RNF150: variants seen among roughly 807,000 people sequenced by gnomAD.
RNF150 encodes ring finger protein 150.
A neutral mutation model predicts 39.3 loss-of-function variants in RNF150; 24 were observed. The ratio of observed to expected loss-of-function variants is 0.61; its 90% confidence interval spans 0.44 to 0.86. RNF150 has a LOEUF of 0.86. RNF150 is among the 40% of genes least tolerant of loss of function. The pLI is 0.00. For missense variants in RNF150, 502 were observed against 587.8 expected, an observed-to-expected ratio of 0.85 and a Z score of 1.51; for synonymous variants, 255 against 227.3, an observed-to-expected ratio of 1.12 and a Z score of -1.10.
intron 1 of RNF150, among the ~76,000 whole-genome samples, chr4:141,196,738 C>A (rs1372887197): frequency 1.3e-5 from 2 of 152,176 alleles, no homozygotes; most frequent in African/African-American, 4.8e-5. Context: ...TGACTTCTTG[C>A]TAAGATATGC....
intron 1 of RNF150, among the ~76,000 whole-genome samples, chr4:141,026,818 T>C (rs955111638): frequency 6.6e-6 from 1 of 152,190 alleles, no homozygotes; most frequent in Non-Finnish European, 1.5e-5. Context: ...AGATGTAAAG[T>C]TGAAAACACA....
chr4:141,057,725 C>T (rs1010451244), intron 1 of RNF150, among the ~76,000 whole-genome samples: 7 of 152,208 alleles, frequency 4.6e-5, no homozygotes, highest in African/African-American at 1.4e-4. Context: ...CTTTGCTGGA[C>T]CCCCTGTATT....
chr4:141,170,416 C>CAG (rs1179642216), intron 1 of RNF150, among the ~76,000 whole-genome samples: 1 of 152,110 alleles, frequency 6.6e-6, no homozygotes, highest in Non-Finnish European at 1.5e-5. Flanking sequence ...TCTAGATTAT[C>CAG]AGAGCTGTCA....
At chr4:141,032,842 CATA>C (rs1407500666) in intron 1 of RNF150, among the ~76,000 whole-genome samples, 2 of 152,136 alleles carry the variant, frequency 1.3e-5, no homozygotes, top group Admixed American at 6.5e-5. Context: ...TGTACAATAA[CATA>C]ATGTCTAAAA....
rs192669244 is a variant in RNF150 at position 140,876,152 on chromosome 4, A to C, written c.1199-7773T>G. Among the ~76,000 whole-genome samples the C allele has an allele frequency of 3.0e-4, 45 of 152,348 alleles. No individual in the cohort carries two copies. In the East Asian group the frequency reaches 8.5e-3, roughly 29 times the overall value. On this transcript the variant is annotated intron_variant, in intron 6 of 6. Transcript: ENST00000515673. ...AAGTAAGGTTTCAAAGAAAAATGGC[A>C]TCCTTCTGTCCACTGCTGCTGATGC...
At chr4:141,208,742 C>T (rs1200755979) in intron 1 of RNF150, among the ~76,000 whole-genome samples, 2 of 152,168 alleles carry the variant, frequency 1.3e-5, no homozygotes, top group African/African-American at 2.4e-5. Context: ...TTTGATACTA[C>T]TTGCAGACTA....
At chr4:141,123,301 A>T (rs1417385845) in intron 1 of RNF150, among the ~76,000 whole-genome samples, 18 of 152,258 alleles carry the variant, frequency 1.2e-4, no homozygotes, top group Middle Eastern at 3.4e-3. Context: ...ACTCTTGTGG[A>T]GCTTACTGAG....
intron 1 of RNF150, among the ~76,000 whole-genome samples, chr4:141,041,222 G>C (rs1736355191): frequency 6.6e-6 from 1 of 152,128 alleles, no homozygotes; most frequent in Non-Finnish European, 1.5e-5. Flanking sequence ...ACTGTGTTAA[G>C]TGCTGTGATA....
At chr4:141,130,482 C>T (rs1025914370) in intron 1 of RNF150, among the ~76,000 whole-genome samples, 1 of 152,086 alleles carries the variant, frequency 6.6e-6, no homozygotes, top group African/African-American at 2.4e-5. Context: ...CTTAATCAAG[C>T]ATCATTTGTG....
intron 1 of RNF150, among the ~76,000 whole-genome samples, chr4:141,065,388 T>C (rs1338061904): frequency 6.6e-6 from 1 of 152,144 alleles, no homozygotes; most frequent in Non-Finnish European, 1.5e-5. Context: ...TCTGAATGTT[T>C]CTGACTCTAC....
chr4:140,978,730 TAG>T (rs1733755602), intron 1 of RNF150, among the ~76,000 whole-genome samples: 1 of 152,164 alleles, frequency 6.6e-6, no homozygotes, highest in Non-Finnish European at 1.5e-5. Flanking sequence ...GCATTGTATT[TAG>T]AGATTCACCT....
At chr4:140,880,444 A>C (rs977958341) in intron 6 of RNF150, among the ~76,000 whole-genome samples, 1 of 151,570 alleles carries the variant, frequency 6.6e-6, no homozygotes, top group Admixed American at 6.6e-5. Flanking sequence ...TATTGGTTAT[A>C]TTGGTCTGTA....
chr4:140,933,156 AG>A, intron 4 of RNF150, among the ~76,000 whole-genome samples: 1 of 152,348 alleles, frequency 6.6e-6, no homozygotes, highest in Non-Finnish European at 1.5e-5. Flanking sequence ...GCACAGTGAC[AG>A]GTCATAAATA....
At chr4:140,893,336 T>A (rs1288763272) in intron 6 of RNF150, among the ~76,000 whole-genome samples, 2 of 152,190 alleles carry the variant, frequency 1.3e-5, no homozygotes, top group African/African-American at 2.4e-5. Flanking sequence ...ATGTACTGAA[T>A]AAATAAATGG....
chr4:141,056,437 A>C (rs1489405608), intron 1 of RNF150, among the ~76,000 whole-genome samples: 2 of 152,114 alleles, frequency 1.3e-5, no homozygotes, highest in Non-Finnish European at 2.9e-5. Context: ...CACCTGCCCA[A>C]GGTCCTTAAA....
upstream of RNF150, among the ~76,000 whole-genome samples, chr4:141,136,550 A>C (rs1426963163): frequency 6.6e-6 from 1 of 152,212 alleles, no homozygotes; most frequent in African/African-American, 2.4e-5. Flanking sequence ...TGAACAACTG[A>C]CAAGTGGTAT....
chr4:141,159,580 T>C (rs1023872811), intron 1 of RNF150, among the ~76,000 whole-genome samples: 1 of 152,156 alleles, frequency 6.6e-6, no homozygotes, highest in Non-Finnish European at 1.5e-5. Flanking sequence ...CCTTGCTGTG[T>C]CACCCTGGCT....
chr4:141,160,108 T>C (rs753133070), intron 1 of RNF150, among the ~76,000 whole-genome samples: 1 of 152,168 alleles, frequency 6.6e-6, no homozygotes, highest in Non-Finnish European at 1.5e-5. Flanking sequence ...ACTGAGCTGG[T>C]TCAGCAATCT....
intron 1 of RNF150, among the ~76,000 whole-genome samples, chr4:141,109,270 G>T (rs1739310959): frequency 1.3e-5 from 2 of 151,844 alleles, no homozygotes; most frequent in South Asian, 4.2e-4. Flanking sequence ...GTGGTGAGAG[G>T]TTCACCACCT....
Sources: allele counts gnomAD v4.1 joint callset (sites outside exome capture counted in the v4.1 genomes callset), GRCh38; gene constraint gnomAD v4.1.1; transcripts MANE v1.5; gene names NCBI Gene and HGNC (gene_info 2026-07-23, HGNC 2026-07-21).